Variants in CDK8 observed in about 807,000 individuals in gnomAD.
CDK8 encodes cyclin-dependent kinase 8.
CDK8 carries 29 observed loss-of-function variants against 71.5 expected under a neutral mutation model. That is an observed-to-expected ratio of 0.41 (90% CI 0.30 to 0.55). The LOEUF is 0.55. Among genes scored for constraint, CDK8 ranks in the 20% least tolerant of loss-of-function variants. The pLI is 0.37. For missense variants in CDK8, 288 were observed against 572.6 expected, an observed-to-expected ratio of 0.50 and a Z score of 5.07; for synonymous variants, 161 against 192.1, an observed-to-expected ratio of 0.84 and a Z score of 1.34.
intron 1 of CDK8, among the ~76,000 whole-genome samples, chr13:26,322,564 C>T (rs1051291727): frequency 1.3e-5 from 2 of 152,082 alleles, no homozygotes; most frequent in Non-Finnish European, 2.9e-5. Context: ...TTTCTTCTTG[C>T]CAGTTTTTAA....
At chr13:26,321,620 A>G (rs1236558643) in intron 1 of CDK8, among the ~76,000 whole-genome samples, 1 of 152,100 alleles carries the variant, frequency 6.6e-6, no homozygotes, top group Non-Finnish European at 1.5e-5. Context: ...TAACTATGAT[A>G]TTTTTTCTTT....
At chr13:26,380,851 C>A (rs1406433334) in intron 4 of CDK8, among the ~76,000 whole-genome samples, 1 of 152,148 alleles carries the variant, frequency 6.6e-6, no homozygotes, top group African/African-American at 2.4e-5. Context: ...TTCATTTATA[C>A]CTCTATCGCT....
intron 1 of CDK8, among the ~76,000 whole-genome samples, chr13:26,308,462 A>T (rs994994130): frequency 6.6e-6 from 1 of 152,214 alleles, no homozygotes; most frequent in African/African-American, 2.4e-5. Flanking sequence ...TCTTTACATC[A>T]GTTTTCTCAT....
intron 1 of CDK8, among the ~76,000 whole-genome samples, chr13:26,332,645 G>A (rs894644155): frequency 6.6e-6 from 1 of 152,094 alleles, no homozygotes; most frequent in African/African-American, 2.4e-5. Context: ...GAGCATCCTT[G>A]TCTTCTTCCA....
chr13:26,315,312 T>G (rs1263665240), intron 1 of CDK8, among the ~76,000 whole-genome samples: 5 of 152,228 alleles, frequency 3.3e-5, no homozygotes, highest in Non-Finnish European at 7.3e-5. Context: ...TTTGTGTTGT[T>G]CATAGAATAT....
intron 1 of CDK8, among the ~76,000 whole-genome samples, chr13:26,271,694 C>G (rs1362749139): frequency 6.6e-6 from 1 of 151,666 alleles, no homozygotes; most frequent in African/African-American, 2.4e-5. Flanking sequence ...CCTGTAGTCC[C>G]AGCTACTCAG....
At chr13:26,399,816 C>T (rs1876171355) in intron 9 of CDK8, among the ~76,000 whole-genome samples, 1 of 152,234 alleles carries the variant, frequency 6.6e-6, no homozygotes, top group Non-Finnish European at 1.5e-5. Context: ...TGTCACGCAG[C>T]TAATAAATGT....
intron 1 of CDK8, among the ~76,000 whole-genome samples, chr13:26,317,964 A>G (rs1451092402): frequency 6.6e-6 from 1 of 152,086 alleles, no homozygotes; most frequent in Non-Finnish European, 1.5e-5. Flanking sequence ...AGAATAAAAT[A>G]TATAGCGAAA....
chr13:26,345,289 T>G (rs1460997607), intron 2 of CDK8, among the ~76,000 whole-genome samples: 1 of 152,238 alleles, frequency 6.6e-6, no homozygotes, highest in Non-Finnish European at 1.5e-5. Flanking sequence ...AGTAGTTACT[T>G]ACCCAGAATG....
intron 2 of CDK8, among the ~76,000 whole-genome samples, chr13:26,340,934 T>C (rs1422036030): frequency 1.3e-5 from 2 of 152,228 alleles, no homozygotes; most frequent in Admixed American, 1.3e-4. Context: ...ATCTTCATTT[T>C]TTTGTAAGTG....
chr13:26,389,885 C>T (rs1361918169), intron 6 of CDK8, among the ~76,000 whole-genome samples: 1 of 152,100 alleles, frequency 6.6e-6, no homozygotes, highest in African/African-American at 2.4e-5. Context: ...GTAATCCCAG[C>T]TGCTCAGGAA....
chr13:26,353,202 T>A (rs1873753649), intron 3 of CDK8, among the ~76,000 whole-genome samples: 1 of 152,232 alleles, frequency 6.6e-6, no homozygotes. Flanking sequence ...TGATGGATGG[T>A]ACAAGGCAGT....
At chr13:26,319,648 C>T (rs1441117083) in intron 1 of CDK8, among the ~76,000 whole-genome samples, 1 of 148,132 alleles carries the variant, frequency 6.8e-6, no homozygotes, top group African/African-American at 2.5e-5. Flanking sequence ...AAATTGATTA[C>T]AGATTTAGTG....
At chr13:26,345,472 C>T (rs1873424844) in intron 2 of CDK8, among the ~76,000 whole-genome samples, 1 of 152,134 alleles carries the variant, frequency 6.6e-6, no homozygotes, top group Non-Finnish European at 1.5e-5. Flanking sequence ...ACCTCCACCT[C>T]CCAGGCTCAA....
At chr13:26,258,340 T>G (rs1233297230) in intron 1 of CDK8, among the ~76,000 whole-genome samples, 3 of 152,186 alleles carry the variant, frequency 2.0e-5, no homozygotes, top group Non-Finnish European at 4.4e-5. Flanking sequence ...CATAAATACC[T>G]TGTAGAACTA....
At chr13:26,318,193 G>A (rs1259217641) in intron 1 of CDK8, among the ~76,000 whole-genome samples, 1 of 151,974 alleles carries the variant, frequency 6.6e-6, no homozygotes, top group Admixed American at 6.6e-5. Flanking sequence ...TAACCTAGAT[G>A]AACTGGACCA....
In CDK8 at chr13:26,319,741, C is replaced by T. The variant is rs76604722; in HGVS notation, c.129-17826C>T. On this transcript the variant is annotated intron_variant, in intron 1 of 12. Coordinates refer to ENST00000381527, the MANE Select transcript of CDK8 (RefSeq NM_001260.3). Reference sequence around the variant, plus strand: ...CCATCCTGAAATTAATATAGAATGTCTGGGGACTCCACATATTCACAACAG... The same window carrying T: ...CCATCCTGAAATTAATATAGAATGTTTGGGGACTCCACATATTCACAACAG... Among the ~76,000 whole-genome samples, 557 of 147,384 alleles carry T rather than the reference C, an allele frequency of 3.8e-3. 3 individuals carry two copies. Among genetic ancestry groups the T allele is most frequent in the Non-Finnish European group, 5.6e-3 (377 of 67,460 alleles).
chr13:26,310,144 T>C (rs1874219072), intron 1 of CDK8, among the ~76,000 whole-genome samples: 1 of 152,232 alleles, frequency 6.6e-6, no homozygotes, highest in African/African-American at 2.4e-5. Flanking sequence ...CCAGCTTTCT[T>C]CATCCTGCAA....
At chr13:26,323,410 A>G (rs1593263691) in intron 1 of CDK8, among the ~76,000 whole-genome samples, 1 of 151,026 alleles carries the variant, frequency 6.6e-6, no homozygotes, top group East Asian at 1.9e-4. Flanking sequence ...TCTTCTTATA[A>G]TGGCACTAAT....
Sources: gnomAD v4.1 joint callset for allele counts (sites outside exome capture counted in the v4.1 genomes callset) on GRCh38, gnomAD v4.1.1 for gene constraint, MANE v1.5 for transcripts, NCBI Gene and HGNC (gene_info 2026-07-23, HGNC 2026-07-21) for gene names.